LEKR1: variants seen among roughly 807,000 people sequenced by gnomAD.
LEKR1 encodes leucine, glutamate and lysine rich 1.
A neutral mutation model predicts 72.4 loss-of-function variants in LEKR1; 59 were observed. The observed-to-expected ratio is 0.82, with a 90% CI of 0.66 to 1.01. The LOEUF (loss-of-function observed/expected upper bound fraction) is 1.01, where lower values mean the gene tolerates loss of function less well. Among genes scored for constraint, LEKR1 ranks in the 50% least tolerant of loss-of-function variants. The pLI is 0.00. For synonymous variants in LEKR1, 257 were observed against 263.2 expected (o/e 0.98, Z 0.23); for missense variants, 728 against 759.2 (o/e 0.96, Z 0.48).
At chr3:156,991,900 C>T (rs1731167993) in intron 7 of LEKR1, among the ~76,000 whole-genome samples, 1 of 152,114 alleles carries the variant, frequency 6.6e-6, no homozygotes, top group Non-Finnish European at 1.5e-5. Context: ...ACATTGTGAA[C>T]ATTATGTTAT....
At chr3:156,948,620 C>T (rs568424771) in intron 6 of LEKR1, among the ~76,000 whole-genome samples, 2 of 151,522 alleles carry the variant, frequency 1.3e-5, no homozygotes, top group East Asian at 3.9e-4. Context: ...AATAGTGCTG[C>T]TATAAACATT....
chr3:156,893,183 A>T (rs528724111), intron 3 of LEKR1, among the ~76,000 whole-genome samples: 1 of 152,284 alleles, frequency 6.6e-6, no homozygotes, highest in East Asian at 1.9e-4. Flanking sequence ...GAGGAATGGC[A>T]TTGGGGAGGA....
intron 7 of LEKR1, among the ~76,000 whole-genome samples, chr3:156,982,425 A>G (rs532434996): frequency 7.9e-5 from 12 of 152,324 alleles, no homozygotes; most frequent in East Asian, 7.7e-4. Flanking sequence ...AAGAATTATC[A>G]GATGCCACCA....
At chr3:156,973,164 G>C (rs10212230) in intron 6 of LEKR1, among the ~76,000 whole-genome samples, 77,094 of 151,808 alleles carry the variant, frequency 0.51, 21,247 homozygotes, top group East Asian at 0.73. Flanking sequence ...TCTAAAGTCT[G>C]CGAAGTTTTA....
At chr3:157,005,574 G>C (rs1009304519) in intron 9 of LEKR1, among the ~76,000 whole-genome samples, 1 of 151,826 alleles carries the variant, frequency 6.6e-6, no homozygotes. Context: ...AAATTGAAGG[G>C]GCTAAAATCA....
At chr3:156,912,746 G>A (rs561407733) in intron 3 of LEKR1, among the ~76,000 whole-genome samples, 9 of 152,284 alleles carry the variant, frequency 5.9e-5, no homozygotes, top group South Asian at 4.1e-4. Context: ...AGAATCAGGC[G>A]TGGCTTCCCT....
At chr3:156,977,321 T>A (rs1184361924) in intron 6 of LEKR1, among the ~76,000 whole-genome samples, 1 of 152,130 alleles carries the variant, frequency 6.6e-6, no homozygotes, top group Non-Finnish European at 1.5e-5. Flanking sequence ...AGAATTCAAA[T>A]AGTAGCATGC....
At chr3:156,835,943 G>A (rs1321922067) in intron 2 of LEKR1, among the ~76,000 whole-genome samples, 3 of 128,160 alleles carry the variant, frequency 2.3e-5, no homozygotes, top group East Asian at 2.7e-4. Flanking sequence ...GTGCAATCTC[G>A]ACTCACTGCA....
chr3:156,839,734 G>T (rs1302369969), intron 2 of LEKR1, among the ~76,000 whole-genome samples: 1 of 152,160 alleles, frequency 6.6e-6, no homozygotes, highest in African/African-American at 2.4e-5. Flanking sequence ...AGATAATATG[G>T]CAGAAGGGTT....
intron 3 of LEKR1, among the ~76,000 whole-genome samples, chr3:156,855,297 T>C (rs1157313996): frequency 2.6e-5 from 4 of 152,196 alleles, no homozygotes; most frequent in African/African-American, 9.6e-5. Flanking sequence ...CTTTCCTACA[T>C]TTTGTTAATA....
At position 156,907,349 on chromosome 3, in the gene LEKR1, A is replaced by G. The variant is rs1722624251; in HGVS notation, c.264-13226A>G. Among the ~76,000 whole-genome samples the G allele has an allele frequency of 3.9e-5, 6 of 152,122 alleles. No homozygotes were observed. In the South Asian group the frequency reaches 1.2e-3, roughly 32 times the overall value. ...TGTTCATCTGTGAATTACAGCTTGC[A>G]TTTTTCCCCATTGATAAATCTTGGC... On this transcript the variant is annotated intron_variant, in intron 3 of 12. Coordinates refer to ENST00000356539, the MANE Select transcript of LEKR1 (RefSeq NM_001004316.3).
chr3:156,862,846 A>G (rs915630809), intron 3 of LEKR1, among the ~76,000 whole-genome samples: 3 of 152,100 alleles, frequency 2.0e-5, no homozygotes, highest in African/African-American at 7.2e-5. Flanking sequence ...TAGAGATTTT[A>G]TGGAAAGCAT....
Position 156,862,418 on chromosome 3 carries a change from A to G in LEKR1, c.263+9436A>G, listed in dbSNP as rs144188694. Reference sequence around the variant, plus strand: ...GAAGGGAGGCAGTGTATGATGTGGTATAGAGTACAGGCTCTGCTAATACCT... The same window carrying G: ...GAAGGGAGGCAGTGTATGATGTGGTGTAGAGTACAGGCTCTGCTAATACCT... On this transcript the variant is annotated intron_variant, in intron 3 of 12. Coordinates refer to ENST00000356539, the MANE Select transcript of LEKR1 (RefSeq NM_001004316.3). 6.0e-4 allele frequency among the ~76,000 whole-genome samples: 91 copies of G among 152,208 alleles called. 1 individual carries two copies. The East Asian group carries it at 0.016, about 27-fold the overall frequency.
chr3:156,967,008 A>C (rs1434079161), intron 6 of LEKR1, among the ~76,000 whole-genome samples: 1 of 152,214 alleles, frequency 6.6e-6, no homozygotes, highest in African/African-American at 2.4e-5. Context: ...GCTGATACCC[A>C]GGCAAACAGG....
intron 5 of LEKR1, among the ~76,000 whole-genome samples, chr3:156,934,210 T>A (rs1725497921): frequency 6.6e-6 from 1 of 152,248 alleles, no homozygotes; most frequent in African/African-American, 2.4e-5. Flanking sequence ...TCCTACTGGT[T>A]GTAATCTTAG....
At chr3:156,893,164 T>C (rs1473713273) in intron 3 of LEKR1, among the ~76,000 whole-genome samples, 1 of 152,118 alleles carries the variant, frequency 6.6e-6, no homozygotes, top group Admixed American at 6.5e-5. Flanking sequence ...TATCTTCAAG[T>C]TTTTGGTGGA....
intron 12 of LEKR1, among the ~76,000 whole-genome samples, chr3:157,031,393 C>A (rs375436895): frequency 2.1e-4 from 32 of 152,176 alleles, no homozygotes; most frequent in African/African-American, 7.7e-4. Flanking sequence ...CTTAGGGGGG[C>A]AATTTCCTTT....
chr3:156,963,589 A>C (rs886392781), intron 6 of LEKR1, among the ~76,000 whole-genome samples: 2 of 152,106 alleles, frequency 1.3e-5, no homozygotes, highest in African/African-American at 4.8e-5. Context: ...GTACTATCTT[A>C]ACATCATTAA....
chr3:156,832,904 C>CA (rs1262000235), intron 2 of LEKR1, among the ~76,000 whole-genome samples: 2 of 152,092 alleles, frequency 1.3e-5, no homozygotes, highest in East Asian at 1.9e-4. Flanking sequence ...TGTCCTGTTG[C>CA]AAAAAACAAA....
Sources: allele counts gnomAD v4.1 joint callset (sites outside exome capture counted in the v4.1 genomes callset), GRCh38; gene constraint gnomAD v4.1.1; transcripts MANE v1.5; gene names NCBI Gene and HGNC (gene_info 2026-07-23, HGNC 2026-07-21).